Variants in MYO9B observed in about 807,000 individuals in gnomAD.
The protein encoded by MYO9B is unconventional myosin-IXb.
MYO9B carries 71 observed loss-of-function variants against 229.5 expected under a neutral mutation model. That is an observed-to-expected ratio of 0.31 (90% CI 0.26 to 0.38). The LOEUF (loss-of-function observed/expected upper bound fraction) is 0.38. Ranked by LOEUF, MYO9B falls within the 10% of genes least tolerant of loss-of-function variation. The probability of loss-of-function intolerance (pLI) is 1.00; values close to 1 mark genes in which losing one functional copy is unlikely to be tolerated. For synonymous variants in MYO9B, 1,185 were observed against 1,235.8 expected (o/e 0.96, Z 0.86); for missense variants, 2,255 against 2,920.5 (o/e 0.77, Z 5.25).
chr19:17,206,318 G>T lies in MYO9B; in HGVS notation c.5328G>T (p.Arg1776=). 6.2e-7 allele frequency: 1 copy of T among 1,608,896 alleles called. No individual in the cohort carries two copies. Among genetic ancestry groups the T allele is most frequent in the South Asian group, 1.1e-5 (1 of 90,484 alleles). Residue 1776 remains arginine (R), a synonymous_variant, in exon 33 of 40, where the codon CGG becomes CGT. Transcript: ENST00000682292. Reference sequence around the variant, plus strand: ...CAGGGGTGCTGAAGCAGTGGCTGCGGGAGCTGCCCGAGCCCCTCATGACCT... The same window carrying T: ...CAGGGGTGCTGAAGCAGTGGCTGCGTGAGCTGCCCGAGCCCCTCATGACCT... ...AITGVLKQWL[R]ELPEPLMTFA... is the part of the protein sequence containing the mutation.
intron 1 of MYO9B, among the ~76,000 whole-genome samples, chr19:17,087,058 T>C (rs940471465): frequency 3.9e-5 from 6 of 152,008 alleles, no homozygotes; most frequent in African/African-American, 1.5e-4. Context: ...CTCCTTCACC[T>C]CCCCATTCTC....
chr19:17,110,645 A>C (rs372371213), intron 2 of MYO9B, among the ~76,000 whole-genome samples: 3 of 152,164 alleles, frequency 2.0e-5, no homozygotes, highest in African/African-American at 7.2e-5. Context: ...GCAGAAATAA[A>C]ATAAGGATCC....
At position 17,184,948 on chromosome 19, in the gene MYO9B, C is replaced by A; in HGVS notation, c.2457C>A (p.His819Gln). The A allele has an allele frequency of 6.2e-7, 1 of 1,613,956 alleles. No individual in the cohort carries two copies. The highest frequency in any genetic ancestry group is 8.5e-7 in the Non-Finnish European group (1 of 1,179,868). Residue 819 changes from histidine (H) to glutamine (Q), a missense_variant, in exon 17 of 40, where the codon CAC (histidine) becomes CAA (glutamine). Physicochemically the swap from His to Gln is conservative, Grantham distance 24. Coordinates refer to ENST00000682292, the MANE Select transcript of MYO9B (RefSeq NM_004145.4). ...CCACCAAGTCCCTACTGCACCTGCA[C>A]AAGAAGAAAAAGCCACCAAGCATCA... ...DRTTKSLLHLHKKKKPPSISA... is the reference protein window; with the variant it reads ...DRTTKSLLHLQKKKKPPSISA...
chr19:17,203,068 C>A, intron 29 of MYO9B, 79 bp from the exon 30 acceptor site: 1 of 1,388,172 alleles, frequency 7.2e-7, no homozygotes, highest in Non-Finnish European at 9.9e-7. Flanking sequence ...CCCTGAGATC[C>A]CATGGGTCGT....
chr19:17,095,988 G>A (rs1040894587), intron 1 of MYO9B: 1 of 152,092 alleles, frequency 6.6e-6, no homozygotes, highest in African/African-American at 2.4e-5. Context: ...TAGCCGGAAT[G>A]GTCTCGATCT....
In MYO9B at chr19:17,147,110, C is replaced by G. The variant is rs182119796; in HGVS notation, c.935+1619C>G. ...CCCCACAAGGCAGTCAGTGGCCCCC[C>G]AACTCCTACCACCTGCCCACATGGG... On this transcript the variant is annotated intron_variant, in intron 3 of 39. Transcript: ENST00000682292. 2.6e-5 allele frequency among the ~76,000 whole-genome samples: 4 copies of G among 152,350 alleles called. No individual in the cohort carries two copies. The East Asian group carries it at 7.7e-4, about 29-fold the overall frequency.
At position 17,184,231 on chromosome 19, in the gene MYO9B, G is replaced by A. The variant is rs1232586132; in HGVS notation, c.2373+363G>A. ...TTCATAGCACCACAGAGCTCATCCT[G>A]CCCCAACGTAATGGGACCCTTCCGT... On this transcript the variant is annotated intron_variant, in intron 16 of 39. Transcript: ENST00000682292. 3.9e-5 allele frequency among the ~76,000 whole-genome samples: 6 copies of A among 152,324 alleles called. No individual in the cohort carries two copies. In the East Asian group the frequency reaches 9.6e-4, roughly 24 times the overall value.
chr19:17,185,546 CAAAA>C (rs556058505), intron 17 of MYO9B, among the ~76,000 whole-genome samples: 1 of 118,490 alleles, frequency 8.4e-6, no homozygotes, highest in East Asian at 2.4e-4. Flanking sequence ...GACTGCGTCT[CAAAA>C]AAAAAAAAAC....
chr19:17,156,659 G>T (rs1028143958), intron 6 of MYO9B, among the ~76,000 whole-genome samples: 1 of 152,202 alleles, frequency 6.6e-6, no homozygotes. Flanking sequence ...GGAGGTTACA[G>T]TGAGCTATGA....
chr19:17,105,356 G>T (rs368530766), intron 2 of MYO9B, among the ~76,000 whole-genome samples: 1 of 150,676 alleles, frequency 6.6e-6, no homozygotes, highest in Non-Finnish European at 1.5e-5. Context: ...TTAGCCAGGT[G>T]TGGTGGTGTT....
At chr19:17,147,960 G>C (rs909022070) in intron 3 of MYO9B, among the ~76,000 whole-genome samples, 42 of 152,148 alleles carry the variant, frequency 2.8e-4, no homozygotes, top group African/African-American at 9.9e-4. Context: ...GGGATTACAG[G>C]CGTGAGCCAC....
At chr19:17,178,169 T>C (rs1447410613) in intron 14 of MYO9B, among the ~76,000 whole-genome samples, 1 of 152,220 alleles carries the variant, frequency 6.6e-6, no homozygotes, top group African/African-American at 2.4e-5. Context: ...GCGACCCCTC[T>C]GTTGCCTTTG....
chr19:17,211,784 A>G lies in MYO9B; in HGVS notation c.6058+10A>G. 1 of 1,612,586 alleles carries G rather than the reference A, an allele frequency of 6.2e-7. No individual in the cohort carries two copies. The highest frequency in any genetic ancestry group is 1.3e-5 in the African/African-American group (1 of 74,790). On this transcript the variant is annotated intron_variant, in intron 39 of 39. Transcript: ENST00000682292. ...CGGGGGGCCTCGGAAGGTCAGTATT[A>G]AGGTAGCGTCTGCTTTTCTCCTTCC...
Position 17,172,712 on chromosome 19 carries a change from G to T in MYO9B, c.1936-47G>T. ...CAGCCCGGGGTCTTTGGTAGGCGCC[G>T]GTGAGTGACTATCCCCGAGTGACCG... is the stretch of plus-strand genomic sequence containing the variant. On this transcript the variant is annotated intron_variant, in intron 12 of 39. Transcript: ENST00000682292. This position sits in a 1 kb window ranked among gnomAD's most constrained non-coding sequence, Gnocchi z 8.2. The T allele has an allele frequency of 5.0e-6, 8 of 1,599,658 alleles. No homozygotes were observed. Among genetic ancestry groups the T allele is most frequent in the Non-Finnish European group, 6.8e-6 (8 of 1,168,274 alleles).
chr19:17,089,190 C>T (rs566093842), intron 1 of MYO9B, among the ~76,000 whole-genome samples: 1 of 152,166 alleles, frequency 6.6e-6, no homozygotes, highest in Admixed American at 6.5e-5. Context: ...TCTGAGCCAC[C>T]CTGACCAATA....
Position 17,209,574 on chromosome 19 carries a change from C to T in MYO9B, c.5625-12C>T, listed in dbSNP as rs757692935. On this transcript the variant is annotated splice_polypyrimidine_tract_variant and intron_variant, in intron 35 of 39. Transcript: ENST00000682292. ...TAACTGAGTCACTTCCTCCCGTGGG[C>T]CTTCTCTGTAGGTGCGTGGAGATGC... is the stretch of plus-strand genomic sequence containing the variant. 9 of 1,579,794 alleles carry T rather than the reference C, an allele frequency of 5.7e-6. No individual in the cohort carries two copies. The highest frequency in any genetic ancestry group is 3.7e-5 in the Admixed American group (2 of 53,888).
At chr19:17,094,050 T>TGTTGTTGTC (rs1245838971) in intron 1 of MYO9B, among the ~76,000 whole-genome samples, 41 of 143,932 alleles carry the variant, frequency 2.8e-4, no homozygotes, top group African/African-American at 1.0e-3. Context: ...TTGTTGTTGT[T>TGTTGTTGTC]GTTAAGACGG....
At chr19:17,154,188 C>T in intron 5 of MYO9B, 122 bp downstream of exon 5, 2 of 1,318,904 alleles carry the variant, frequency 1.5e-6, no homozygotes, top group Non-Finnish European at 2.2e-6. Context: ...CAGAAGGCAG[C>T]ATTAAAAGAA....
In MYO9B at chr19:17,101,982, C is replaced by T; in HGVS notation, c.265C>T (p.Leu89=). Residue 89 remains leucine (L), a synonymous_variant, in exon 2 of 40, where the codon CTG becomes TTG. Transcript: ENST00000682292. The surrounding 1 kb of genome is among the most constrained non-coding windows in gnomAD (Gnocchi z 4.7). ...CAACGACTCGCCTGTGCACCGGGTGCTGCTATGGCCCCGGCGGGCACAGGA... is the reference window on the plus strand; with the variant it reads ...CAACGACTCGCCTGTGCACCGGGTGTTGCTATGGCCCCGGCGGGCACAGGA... ...DANDSPVHRV[L]LWPRRAQDEH... is the part of the protein sequence containing the mutation. 6.2e-7 allele frequency: 1 copy of T among 1,613,252 alleles called. No individual in the cohort carries two copies. Among genetic ancestry groups the T allele is most frequent in the Non-Finnish European group, 8.5e-7 (1 of 1,179,870 alleles).
Sources: allele counts gnomAD v4.1 joint callset (sites outside exome capture counted in the v4.1 genomes callset), GRCh38; gene constraint gnomAD v4.1.1; non-coding constraint Gnocchi (gnomAD v3.1); transcripts MANE v1.5; gene names NCBI Gene and HGNC (gene_info 2026-07-23, HGNC 2026-07-21).